The following ARMC2 variants were observed in gnomAD, a reference collection of about 807,000 sequenced individuals.
ARMC2 encodes armadillo repeat containing 2, also known as armadillo repeat-containing protein 2.
Under a neutral mutation model 90.3 loss-of-function variants are expected in ARMC2, and 67 were observed. That is an observed-to-expected ratio of 0.74 (90% CI 0.61 to 0.91). The LOEUF (loss-of-function observed/expected upper bound fraction) is 0.91. ARMC2 is among the 40% of genes least tolerant of loss of function. ARMC2 has a pLI of 0.00. For synonymous variants in ARMC2, 393 were observed against 393.0 expected (o/e 1.00, Z 0.00); for missense variants, 920 against 1,030.9 (o/e 0.89, Z 1.47).
intron 17 of ARMC2, 139 bp downstream of exon 17, chr6:108,965,279 C>T: frequency 1.4e-6 from 1 of 738,392 alleles, no homozygotes; most frequent in Non-Finnish European, 2.0e-6. Flanking sequence ...TTAAAGATTA[C>T]TATAATTTGG....
At chr6:108,935,066 T>C (rs1472757761) in intron 11 of ARMC2, among the ~76,000 whole-genome samples, 3 of 152,208 alleles carry the variant, frequency 2.0e-5, no homozygotes, top group African/African-American at 7.2e-5. Flanking sequence ...AGAGCTGCAG[T>C]TGAAACCGTA....
chr6:108,878,841 G>A (rs959812346), intron 5 of ARMC2, among the ~76,000 whole-genome samples: 1 of 152,108 alleles, frequency 6.6e-6, no homozygotes, highest in Non-Finnish European at 1.5e-5. Flanking sequence ...TATATGGATT[G>A]AAAGTAATGC....
chr6:108,873,907 C>T (rs1194111301), intron 4 of ARMC2, among the ~76,000 whole-genome samples: 3 of 152,158 alleles, frequency 2.0e-5, no homozygotes, highest in Non-Finnish European at 4.4e-5. Context: ...CTTTGTCTCC[C>T]CTGCTAGATA....
intron 7 of ARMC2, among the ~76,000 whole-genome samples, chr6:108,903,746 T>A (rs1583060500): frequency 1.3e-5 from 2 of 152,218 alleles, no homozygotes; most frequent in South Asian, 4.1e-4. Flanking sequence ...TGTGGAATAG[T>A]GCATCTTTTC....
chr6:108,996,002 CT>C, the ARMC2 span, among the ~76,000 whole-genome samples: 1 of 152,184 alleles, frequency 6.6e-6, no homozygotes, highest in Non-Finnish European at 1.5e-5. Context: ...ACCCTCTCCT[CT>C]TTCCTTCAGA....
chr6:108,895,910 A>T (rs1184169555), intron 6 of ARMC2, among the ~76,000 whole-genome samples: 1 of 152,226 alleles, frequency 6.6e-6, no homozygotes, highest in African/African-American at 2.4e-5. Flanking sequence ...AAGGGAAAGG[A>T]TAAAAATATG....
the ARMC2 span, among the ~76,000 whole-genome samples, chr6:108,997,411 T>G: frequency 6.6e-6 from 1 of 152,318 alleles, no homozygotes; most frequent in East Asian, 1.9e-4. Flanking sequence ...TATGCAGGCC[T>G]ATAACATGAA....
the ARMC2 span, among the ~76,000 whole-genome samples, chr6:108,991,655 C>T: frequency 6.6e-6 from 1 of 152,180 alleles, no homozygotes; most frequent in African/African-American, 2.4e-5. Context: ...TATATTAAAT[C>T]TCCTTGCCTC....
chr6:108,960,467 A>G (rs1217844477), intron 13 of ARMC2, among the ~76,000 whole-genome samples: 1 of 152,230 alleles, frequency 6.6e-6, no homozygotes, highest in African/African-American at 2.4e-5. Flanking sequence ...AGGATCAATT[A>G]TTCTTGCATC....
At position 108,899,725 on chromosome 6, in the gene ARMC2, A is replaced by G. The variant is rs1370311623; in HGVS notation, c.780A>G (p.Ala260=). ...VPKADLQEED[A]EIEVDEVFWN... is the part of the protein sequence containing the mutation. ...AAGCTGACCTGCAAGAAGAGGACGC[A>G]GAAATAGAAGTAGACGAAGTCTTTT... The change falls in exon 7 of 18, where the codon GCA becomes GCG. Residue 260 remains alanine, a synonymous_variant. Coordinates refer to ENST00000392644, the MANE Select transcript of ARMC2 (RefSeq NM_032131.6). 6.2e-7 allele frequency: 1 copy of G among 1,613,654 alleles called. No individual in the cohort carries two copies. The highest frequency in any genetic ancestry group is 8.5e-7 in the Non-Finnish European group (1 of 1,179,800).
intron 12 of ARMC2, among the ~76,000 whole-genome samples, chr6:108,939,406 G>C (rs1465274246): frequency 1.3e-5 from 2 of 152,112 alleles, no homozygotes; most frequent in Admixed American, 6.6e-5. Context: ...CCATCCCCCT[G>C]GTGCTGTTCT....
At position 108,899,794 on chromosome 6, in the gene ARMC2, T is replaced by C; in HGVS notation, c.847+2T>C. The C allele has an allele frequency of 6.2e-7, 1 of 1,600,598 alleles. No homozygotes were observed. The highest frequency in any genetic ancestry group is 1.1e-5 in the South Asian group (1 of 88,266). ...CGATTTTGCGTGAATTAGAAAAGGGTAAAACACAAACAAACAAACAAAAAA... is the reference window on the plus strand; with the variant it reads ...CGATTTTGCGTGAATTAGAAAAGGGCAAAACACAAACAAACAAACAAAAAA... On this transcript the variant is annotated splice_donor_variant, in intron 7 of 17. Transcript: ENST00000392644. LOFTEE classifies it high-confidence loss of function.
At chr6:108,972,978 T>G (rs1778861748) in intron 17 of ARMC2, among the ~76,000 whole-genome samples, 2 of 151,866 alleles carry the variant, frequency 1.3e-5, no homozygotes, top group South Asian at 4.1e-4. Flanking sequence ...AGACTTTTTT[T>G]GAAAAAAATA....
At chr6:108,897,201 C>T (rs913669276) in intron 6 of ARMC2, among the ~76,000 whole-genome samples, 1 of 152,136 alleles carries the variant, frequency 6.6e-6, no homozygotes, top group Non-Finnish European at 1.5e-5. Flanking sequence ...TGTGAATATT[C>T]ATATATTTTG....
At chr6:108,849,142 A>T (rs1773747923) in intron 1 of ARMC2, among the ~76,000 whole-genome samples, 1 of 152,202 alleles carries the variant, frequency 6.6e-6, no homozygotes, top group Non-Finnish European at 1.5e-5. Flanking sequence ...ACAATATTTA[A>T]CATACTTTAA....
intron 12 of ARMC2, among the ~76,000 whole-genome samples, chr6:108,948,539 T>C (rs1162809332): frequency 1.3e-5 from 2 of 150,648 alleles, no homozygotes; most frequent in Non-Finnish European, 3.0e-5. Flanking sequence ...GACGGCGCAA[T>C]CTGCCATCCC....
chr6:108,899,841 A>C (rs866553097), intron 7 of ARMC2, 49 bp downstream of exon 7: 1 of 1,402,110 alleles, frequency 7.1e-7, no homozygotes, highest in Middle Eastern at 1.9e-4. Context: ...TTTTTTTTAA[A>C]AAATACCTGT....
In ARMC2 at chr6:108,940,369, C is replaced by T. The variant is rs916730412; in HGVS notation, c.1596+3370C>T. Among the ~76,000 whole-genome samples the T allele has an allele frequency of 1.2e-4, 18 of 152,114 alleles. 1 individual carries two copies. Among genetic ancestry groups the T allele is most frequent in the African/African-American group, 2.4e-5 (1 of 41,422 alleles). On this transcript the variant is annotated intron_variant, in intron 12 of 17. Coordinates refer to ENST00000392644, the MANE Select transcript of ARMC2 (RefSeq NM_032131.6). ...CTCTCTCCTGCGCGTGAGAGAGGCA[C>T]CCAAGTGGAACTTCTGGCCCATGCA...
chr6:109,012,613 G>A, the ARMC2 span, among the ~76,000 whole-genome samples: 1 of 152,174 alleles, frequency 6.6e-6, no homozygotes, highest in Non-Finnish European at 1.5e-5. Flanking sequence ...AGACACCTGA[G>A]CTACAGCTTA....
Sources: gnomAD v4.1 joint callset for allele counts (sites outside exome capture counted in the v4.1 genomes callset) on GRCh38, gnomAD v4.1.1 for gene constraint, MANE v1.5 for transcripts, NCBI Gene and HGNC (gene_info 2026-07-23, HGNC 2026-07-21) for gene names.